EBF2: variants seen among roughly 807,000 people sequenced by gnomAD.
EBF2 encodes the protein EBF transcription factor 2, also known as transcription factor COE2.
In EBF2, 21 loss-of-function variants were observed where a neutral mutation model predicts 72.8. The ratio of observed to expected loss-of-function variants is 0.29; its 90% confidence interval spans 0.20 to 0.42. EBF2 has a LOEUF of 0.42. EBF2 is among the 10% of genes least tolerant of loss of function. EBF2 has a pLI of 1.00. For synonymous variants in EBF2, 299 were observed against 274.2 expected (o/e 1.09, Z -0.89); for missense variants, 637 against 731.2 (o/e 0.87, Z 1.49).
At position 25,848,260 on chromosome 8, in the gene EBF2, G is replaced by GCTAGAGC. The variant is rs1469469700; in HGVS notation, c.1696+2327_1696+2333dup. ...ACCTTACAGTGACTCTAGAAATGAA[G>GCTAGAGC]CTAGAGCCTAGAGCCTGTGCCTACA... On this transcript the variant is annotated intron_variant, in intron 15 of 15. Coordinates refer to ENST00000520164, the MANE Select transcript of EBF2 (RefSeq NM_022659.4). 2.0e-5 allele frequency among the ~76,000 whole-genome samples: 3 copies of GCTAGAGC among 152,196 alleles called. No homozygotes were observed. In the East Asian group the frequency reaches 5.8e-4, roughly 29 times the overall value.
intron 7 of EBF2, among the ~76,000 whole-genome samples, chr8:25,896,662 A>G (rs73553938): frequency 0.096 from 14,679 of 152,190 alleles, 2,376 homozygotes; most frequent in African/African-American, 0.33. Context: ...CAGAGAAACC[A>G]TTAAAGGGAC....
intron 6 of EBF2, among the ~76,000 whole-genome samples, chr8:25,958,754 G>A (rs1038773346): frequency 3.9e-5 from 6 of 152,286 alleles, no homozygotes; most frequent in Admixed American, 6.5e-5. Flanking sequence ...CCAGTAGAAC[G>A]GCGGCTTTCC....
At chr8:26,036,875 C>G (rs1166703476) in intron 5 of EBF2, among the ~76,000 whole-genome samples, 1 of 151,146 alleles carries the variant, frequency 6.6e-6, no homozygotes, top group African/African-American at 2.4e-5. Context: ...TTTTCTAAAA[C>G]TAAAAATGAC....
rs1051943479 is a variant in EBF2, at chr8:25,979,068, T to G, written c.551+54017A>C. ...CACACACCCTTGTGAAGGATCCACA[T>G]AGAAAATGATGGTGAGATTCCTGTG... On this transcript the variant is annotated intron_variant, in intron 6 of 15. Transcript: ENST00000520164. Among the ~76,000 whole-genome samples, 3 of 152,054 alleles carry G rather than the reference T, an allele frequency of 2.0e-5. No individual in the cohort carries two copies. In the South Asian group the frequency reaches 6.2e-4, roughly 31 times the overall value.
At chr8:25,970,561 T>G (rs959655674) in intron 6 of EBF2, among the ~76,000 whole-genome samples, 2 of 151,978 alleles carry the variant, frequency 1.3e-5, no homozygotes, top group African/African-American at 4.8e-5. Flanking sequence ...CTCTTAACTC[T>G]AAAGAAATTA....
At chr8:25,953,354 C>T (rs1803894156) in intron 6 of EBF2, among the ~76,000 whole-genome samples, 1 of 152,196 alleles carries the variant, frequency 6.6e-6, no homozygotes, top group Non-Finnish European at 1.5e-5. Flanking sequence ...TGAATGGAAA[C>T]ATGATTTTCC....
chr8:25,965,605 T>C (rs1411886648), intron 6 of EBF2, among the ~76,000 whole-genome samples: 1 of 152,188 alleles, frequency 6.6e-6, no homozygotes, highest in Admixed American at 6.5e-5. Context: ...ACAGCAGAGA[T>C]GGTACCAACT....
chr8:25,852,707 A>T (rs1478425256), intron 14 of EBF2, among the ~76,000 whole-genome samples: 1 of 152,222 alleles, frequency 6.6e-6, no homozygotes, highest in African/African-American at 2.4e-5. Context: ...GCCCGTTTTA[A>T]ATATTTCTTA....
chr8:26,003,960 T>C (rs1804785244), intron 6 of EBF2, among the ~76,000 whole-genome samples: 1 of 152,132 alleles, frequency 6.6e-6, no homozygotes, highest in South Asian at 2.1e-4. Context: ...AAGCTCTTTG[T>C]CTCTGGAACT....
intron 6 of EBF2, among the ~76,000 whole-genome samples, chr8:25,919,111 G>A (rs752502024): frequency 3.3e-5 from 5 of 152,196 alleles, no homozygotes; most frequent in Non-Finnish European, 7.3e-5. Flanking sequence ...ATGCTGGAGA[G>A]TGGAGTCTCA....
intron 6 of EBF2, among the ~76,000 whole-genome samples, chr8:26,017,745 T>G (rs1179728408): frequency 6.6e-6 from 1 of 152,128 alleles, no homozygotes; most frequent in Non-Finnish European, 1.5e-5. Flanking sequence ...AATCTGAAAA[T>G]GTTCCTCCCA....
At chr8:25,957,405 G>A (rs917554712) in intron 6 of EBF2, among the ~76,000 whole-genome samples, 40 of 152,136 alleles carry the variant, frequency 2.6e-4, no homozygotes, top group African/African-American at 9.2e-4. Context: ...AAGTGACTTG[G>A]GCCAGCATCC....
chr8:25,851,430 A>C (rs1468634585), intron 14 of EBF2, among the ~76,000 whole-genome samples: 1 of 152,224 alleles, frequency 6.6e-6, no homozygotes, highest in South Asian at 2.1e-4. Context: ...TATTAACATT[A>C]AAATGACTTA....
chr8:25,907,390 A>C (rs1406020122), intron 7 of EBF2, among the ~76,000 whole-genome samples: 5 of 122,828 alleles, frequency 4.1e-5, no homozygotes, highest in Non-Finnish European at 8.0e-5. Flanking sequence ...ACTGCTCTCC[A>C]GCCTAGGTGA....
chr8:25,981,763 T>G (rs1192880481), intron 6 of EBF2, among the ~76,000 whole-genome samples: 2 of 147,578 alleles, frequency 1.4e-5, no homozygotes, highest in Non-Finnish European at 3.0e-5. Context: ...ACCACTGCAC[T>G]CCAGCCTGGG....
intron 14 of EBF2, among the ~76,000 whole-genome samples, chr8:25,853,383 A>G (rs1802021977): frequency 6.6e-6 from 1 of 152,156 alleles, no homozygotes; most frequent in African/African-American, 2.4e-5. Flanking sequence ...GGACACAAAA[A>G]AAGAAAATCA....
chr8:25,968,492 C>T (rs1804145854), intron 6 of EBF2, among the ~76,000 whole-genome samples: 1 of 152,088 alleles, frequency 6.6e-6, no homozygotes, highest in African/African-American at 2.4e-5. Flanking sequence ...AATTCATAGA[C>T]ACAGAAAGCA....
intron 10 of EBF2, among the ~76,000 whole-genome samples, chr8:25,881,733 T>A (rs1802608532): frequency 6.6e-6 from 1 of 152,152 alleles, no homozygotes; most frequent in Non-Finnish European, 1.5e-5. Context: ...TGGCCTGTCA[T>A]GCCCCCATCC....
chr8:25,876,548 G>C (rs866915788), intron 10 of EBF2, among the ~76,000 whole-genome samples: 58 of 152,252 alleles, frequency 3.8e-4, no homozygotes, highest in African/African-American at 1.3e-3. Flanking sequence ...CGTCTTCTGA[G>C]ACCCCCTTCA....
Sources: allele counts gnomAD v4.1 joint callset (sites outside exome capture counted in the v4.1 genomes callset), GRCh38; gene constraint gnomAD v4.1.1; transcripts MANE v1.5; gene names NCBI Gene and HGNC (gene_info 2026-07-23, HGNC 2026-07-21).